The following EXOSC1 variants were observed in gnomAD, a reference collection of about 807,000 sequenced individuals.
The protein encoded by EXOSC1 is exosome complex component CSL4.
A neutral mutation model predicts 31.4 loss-of-function variants in EXOSC1; 27 were observed. That is an observed-to-expected ratio of 0.86 (90% CI 0.63 to 1.18). The LOEUF (loss-of-function observed/expected upper bound fraction) is 1.18. Among genes scored for constraint, EXOSC1 ranks in the 50% most tolerant of loss-of-function variants. The pLI is 0.00. For synonymous variants in EXOSC1, 84 were observed against 89.5 expected (o/e 0.94, Z 0.35); for missense variants, 228 against 250.3 (o/e 0.91, Z 0.60).
At chr10:97,441,027 TA>T in intron 4 of EXOSC1, 143 bp downstream of exon 4, 1 of 628,804 alleles carries the variant, frequency 1.6e-6, no homozygotes, top group East Asian at 2.8e-5. Context: ...TGGATACTAC[TA>T]GGGGAGAATC....
chr10:97,441,038 C>CA (rs2133150864), intron 4 of EXOSC1, 133 bp downstream of exon 4: 1 of 676,044 alleles, frequency 1.5e-6, no homozygotes, highest in Non-Finnish European at 2.5e-6. Context: ...AGGGGAGAAT[C>CA]AAAGCACAAA....
intron 3 of EXOSC1, among the ~76,000 whole-genome samples, chr10:97,441,634 G>T (rs1174187443): frequency 6.6e-6 from 1 of 151,430 alleles, no homozygotes; most frequent in Admixed American, 6.6e-5. Context: ...GGGATTACAG[G>T]CATGCACCAC....
chr10:97,441,514 G>A (rs1278546393), intron 3 of EXOSC1, among the ~76,000 whole-genome samples: 1 of 146,824 alleles, frequency 6.8e-6, no homozygotes, highest in African/African-American at 2.5e-5. Context: ...TTTTGAGACG[G>A]AGTTTCACTC....
Position 97,445,994 on chromosome 10 carries a change from C to A in EXOSC1, c.-9G>T. 6.2e-7 allele frequency: 1 copy of A among 1,614,232 alleles called. No individual in the cohort carries two copies. The highest frequency in any genetic ancestry group is 8.5e-7 in the Non-Finnish European group (1 of 1,180,036). Reference sequence around the variant, plus strand: ...CTCACAGGTGGCGCCATGATTGCCGCTGTCCCAAAACCAGGATGAAAACGA... The same window carrying A: ...CTCACAGGTGGCGCCATGATTGCCGATGTCCCAAAACCAGGATGAAAACGA... On this transcript the variant is annotated 5_prime_UTR_variant, in exon 1 of 8. Coordinates refer to ENST00000370902, the MANE Select transcript of EXOSC1 (RefSeq NM_016046.5).
At chr10:97,438,430 G>A (rs1473836210) in intron 5 of EXOSC1, among the ~76,000 whole-genome samples, 2 of 151,926 alleles carry the variant, frequency 1.3e-5, no homozygotes, top group East Asian at 3.9e-4. Context: ...TCAAGCAGCT[G>A]GGACTACAGG....
intron 6 of EXOSC1, 49 bp from the exon 7 acceptor site, chr10:97,437,324 C>T (rs1845571299): frequency 2.1e-6 from 3 of 1,424,394 alleles, no homozygotes; most frequent in Non-Finnish European, 2.9e-6. Context: ...GAAGTCTTCC[C>T]CCACCTTAGC....
chr10:97,436,561 A>G lies in EXOSC1; in HGVS notation c.482-10T>C. ...GGAACCATCTGGATACCTGGAAGGG[A>G]AAAGCTGGTGGTGGAGCCCAGACCC... On this transcript the variant is annotated splice_polypyrimidine_tract_variant and intron_variant, in intron 7 of 7. Coordinates refer to ENST00000370902, the MANE Select transcript of EXOSC1 (RefSeq NM_016046.5). 1 of 1,585,610 alleles carries G rather than the reference A, an allele frequency of 6.3e-7. No homozygotes were observed. The highest frequency in any genetic ancestry group is 8.5e-7 in the Non-Finnish European group (1 of 1,171,280).
rs145414802 is a variant in EXOSC1 at position 97,437,104 on chromosome 10, C to T, written c.481+87G>A. 504 of 1,193,910 alleles carry T rather than the reference C, an allele frequency of 4.2e-4. 5 individuals carry two copies. In the East Asian group the frequency reaches 0.01, roughly 24 times the overall value. 74.0% of individuals were successfully genotyped at this position (1,193,910 alleles called of 1,614,324 possible). A position where few individuals can be genotyped will look rare whatever the true frequency, so the allele number is the denominator to read the frequency against. On this transcript the variant is annotated intron_variant, in intron 7 of 7. Coordinates refer to ENST00000370902, the MANE Select transcript of EXOSC1 (RefSeq NM_016046.5). ...AAATATCTATAGCCATACTGCTTCC[C>T]AGATAAGGGAAACCAGGAAAAACAA...
chr10:97,443,218 G>C lies in EXOSC1; in HGVS notation c.222+19C>G, dbSNP rs528200594. 2.5e-5 allele frequency: 40 copies of C among 1,607,764 alleles called. No homozygotes were observed. The highest frequency in any genetic ancestry group is 1.9e-4 in the Admixed American group (11 of 59,314). On this transcript the variant is annotated intron_variant, in intron 3 of 7. Transcript: ENST00000370902. ...GTATTGAATGGGCATTCTAAGCATG[G>C]AGGTCAGGACCAACTTACCTTACAG...
At chr10:97,440,971 C>T (rs1845695803) in intron 4 of EXOSC1, 200 bp downstream of exon 4, 1 of 452,642 alleles carries the variant, frequency 2.2e-6, no homozygotes, top group Non-Finnish European at 3.9e-6. Context: ...CTTTTAAACC[C>T]TCTCGTTAAT....
intron 6 of EXOSC1, 43 bp downstream of exon 6, chr10:97,437,657 T>A (rs751165094): frequency 1.9e-6 from 3 of 1,596,526 alleles, no homozygotes; most frequent in Non-Finnish European, 2.6e-6. Context: ...CTCCTTCTCT[T>A]CTTTTGACAA....
intron 4 of EXOSC1, among the ~76,000 whole-genome samples, chr10:97,439,917 C>T (rs1012848583): frequency 6.6e-6 from 1 of 152,092 alleles, no homozygotes; most frequent in African/African-American, 2.4e-5. Context: ...TGTTTTATAA[C>T]CTCTGAGTTC....
intron 2 of EXOSC1, 39 bp downstream of exon 2, chr10:97,445,693 G>A (rs899721815): frequency 6.3e-7 from 1 of 1,597,286 alleles, no homozygotes; most frequent in Admixed American, 1.7e-5. Flanking sequence ...GGCAGCCTAA[G>A]GGAAAAACAG....
At chr10:97,443,164 A>G (rs756671473) in intron 3 of EXOSC1, 73 bp downstream of exon 3, 1 of 1,225,460 alleles carries the variant, frequency 8.2e-7, no homozygotes. Context: ...CATACTGGAC[A>G]CTGCAGTTCT....
chr10:97,438,422 AAGC>A (rs1273934653), intron 5 of EXOSC1, among the ~76,000 whole-genome samples: 1 of 151,648 alleles, frequency 6.6e-6, no homozygotes, highest in African/African-American at 2.4e-5. Flanking sequence ...ACATCCTCTC[AAGC>A]AGCTGGGACT....
intron 7 of EXOSC1, among the ~76,000 whole-genome samples, chr10:97,436,827 C>T (rs1480264910): frequency 6.6e-6 from 1 of 152,140 alleles, no homozygotes; most frequent in African/African-American, 2.4e-5. Flanking sequence ...AGTTTGAGAC[C>T]AGCCTGGCCA....
Position 97,445,981 on chromosome 10 carries a change from G to T in EXOSC1, c.5C>A (p.Ala2Glu), listed in dbSNP as rs775701950. The T allele has an allele frequency of 1.2e-6, 2 of 1,614,078 alleles. No homozygotes were observed. Among genetic ancestry groups the T allele is most frequent in the Non-Finnish European group, 8.5e-7 (1 of 1,180,040 alleles). The change falls in exon 1 of 8, where the codon GCG becomes GAG. Residue 2 changes from alanine (A) to glutamate (E), a missense_variant. By Grantham distance (107) the Ala-to-Glu change is moderately radical. Coordinates refer to ENST00000370902, the MANE Select transcript of EXOSC1 (RefSeq NM_016046.5). MAPPVRYCIPGE... is the reference protein window; with the variant it reads MEPPVRYCIPGE... Reference sequence around the variant, plus strand: ...GGGGATGCAGTATCTCACAGGTGGCGCCATGATTGCCGCTGTCCCAAAACC... The same window carrying T: ...GGGGATGCAGTATCTCACAGGTGGCTCCATGATTGCCGCTGTCCCAAAACC...
chr10:97,438,086 T>C (rs1564787102), intron 5 of EXOSC1, among the ~76,000 whole-genome samples: 1 of 151,272 alleles, frequency 6.6e-6, no homozygotes, highest in Non-Finnish European at 1.5e-5. Flanking sequence ...CACAGGCTAG[T>C]TTTTATATTT....
chr10:97,437,212 C>T lies in EXOSC1; in HGVS notation c.460G>A (p.Val154Met). 5 of 1,614,158 alleles carry T rather than the reference C, an allele frequency of 3.1e-6. No individual in the cohort carries two copies. The highest frequency in any genetic ancestry group is 4.2e-6 in the Non-Finnish European group (5 of 1,180,022). Reference sequence around the variant, plus strand: ...TCACCTGACTCACTGTGGGCTACCACCACTCCCAGCTCGTTCTCGGCGGTG... The same window carrying T: ...TCACCTGACTCACTGTGGGCTACCATCACTCCCAGCTCGTTCTCGGCGGTG... ...LTTAENELGV[V>M]VAHSESGIQM... The change falls in exon 7 of 8, where the codon GTG (valine) becomes ATG (methionine). Residue 154 changes from valine (V) to methionine (M), a missense_variant. Val to Met is a conservative substitution (Grantham distance 21). Coordinates refer to ENST00000370902, the MANE Select transcript of EXOSC1 (RefSeq NM_016046.5).
Sources: allele counts gnomAD v4.1 joint callset (sites outside exome capture counted in the v4.1 genomes callset), GRCh38; gene constraint gnomAD v4.1.1; transcripts MANE v1.5; gene names NCBI Gene and HGNC (gene_info 2026-07-23, HGNC 2026-07-21).